HSDL2: variants seen among roughly 807,000 people sequenced by gnomAD.
HSDL2 encodes hydroxysteroid dehydrogenase-like protein 2.
HSDL2 carries 27 observed loss-of-function variants against 46.3 expected under a neutral mutation model. The observed-to-expected ratio is 0.58, with a 90% CI of 0.43 to 0.80. The LOEUF (loss-of-function observed/expected upper bound fraction) is 0.80, where lower values mean the gene tolerates loss of function less well. Among genes scored for constraint, HSDL2 ranks in the 30% least tolerant of loss-of-function variants. The probability of loss-of-function intolerance (pLI) is 0.00; values close to 1 mark genes in which losing one functional copy is unlikely to be tolerated. For synonymous variants in HSDL2, 153 were observed against 163.6 expected (o/e 0.94, Z 0.50); for missense variants, 451 against 502.7 (o/e 0.90, Z 0.98).
chr9:112,435,708 A>T (rs201479468), intron 6 of HSDL2, among the ~76,000 whole-genome samples: 1 of 115,078 alleles, frequency 8.7e-6, no homozygotes, highest in Admixed American at 8.1e-5. Flanking sequence ...GCTATTTTTT[A>T]TTTTATTTTA....
intron 1 of HSDL2, among the ~76,000 whole-genome samples, chr9:112,381,244 T>TA (rs1831087679): frequency 6.6e-6 from 1 of 152,220 alleles, no homozygotes; most frequent in African/African-American, 2.4e-5. Flanking sequence ...GACTGGCCTG[T>TA]AGCCTTGAAC....
At chr9:112,418,721 A>G in intron 5 of HSDL2, 139 bp from the exon 6 acceptor site, 1 of 424,132 alleles carries the variant, frequency 2.4e-6, no homozygotes, top group Non-Finnish European at 4.3e-6. Flanking sequence ...ACAGATATAT[A>G]CACATACATA....
At chr9:112,461,953 T>A (rs542205392) in intron 10 of HSDL2, among the ~76,000 whole-genome samples, 97 of 152,308 alleles carry the variant, frequency 6.4e-4, no homozygotes, top group African/African-American at 2.2e-3. Context: ...ATGAATTATT[T>A]AAAAAAACAA....
At chr9:112,412,002 G>C (rs185514661) in intron 4 of HSDL2, among the ~76,000 whole-genome samples, 12 of 152,320 alleles carry the variant, frequency 7.9e-5, no homozygotes, top group Non-Finnish European at 1.6e-4. Context: ...TATTATAGAT[G>C]ATGAAGCCAC....
chr9:112,409,778 A>G (rs901674468), intron 4 of HSDL2, among the ~76,000 whole-genome samples: 7 of 152,074 alleles, frequency 4.6e-5, no homozygotes, highest in Non-Finnish European at 1.0e-4. Flanking sequence ...CCTTGAGCCC[A>G]GGAGTTTGAG....
chr9:112,405,347 G>T (rs1831701766), intron 2 of HSDL2, among the ~76,000 whole-genome samples: 1 of 152,084 alleles, frequency 6.6e-6, no homozygotes, highest in Non-Finnish European at 1.5e-5. Flanking sequence ...GTGAGACCCT[G>T]TCTGAAAAAC....
intron 10 of HSDL2, among the ~76,000 whole-genome samples, chr9:112,461,772 T>C (rs1215397232): frequency 1.3e-5 from 2 of 152,192 alleles, no homozygotes; most frequent in Admixed American, 6.5e-5. Flanking sequence ...ACTCCAAAGC[T>C]TATGCTCTTC....
chr9:112,454,332 T>A (rs1049142392), intron 9 of HSDL2, among the ~76,000 whole-genome samples, 170 bp downstream of exon 9: 35 of 152,084 alleles, frequency 2.3e-4, no homozygotes, highest in Non-Finnish European at 8.8e-5. Context: ...GATTTGTTTT[T>A]GTTGTTGTTG....
At chr9:112,469,364 T>C (rs1833495423) in intron 10 of HSDL2, among the ~76,000 whole-genome samples, 1 of 152,012 alleles carries the variant, frequency 6.6e-6, no homozygotes, top group East Asian at 1.9e-4. Flanking sequence ...AGAAGATATG[T>C]CATCTATATC....
At chr9:112,413,613 C>G (rs1261416135) in intron 4 of HSDL2, among the ~76,000 whole-genome samples, 1 of 152,060 alleles carries the variant, frequency 6.6e-6, no homozygotes, top group Non-Finnish European at 1.5e-5. Flanking sequence ...TATATACTCT[C>G]CAGTATTACA....
rs552988103 is a variant in HSDL2 at position 112,472,345 on chromosome 9, A to C, written c.*1801A>C. On this transcript the variant is annotated 3_prime_UTR_variant, in exon 11 of 11. Transcript: ENST00000398805. ...TCATACCTGGCGGGGCTTCTGTTTT[A>C]TTTTGTAGGCTGGATGCTACCCAGT... The C allele has an allele frequency of 1.3e-5, 2 of 152,310 alleles. No individual in the cohort carries two copies. The highest frequency in any genetic ancestry group is 4.8e-5 in the African/African-American group (2 of 41,560). The allele number at this position is 152,310 out of a possible 1,614,324, so 9.4% of individuals were successfully genotyped here.
chr9:112,397,981 G>C (rs1279127809), intron 1 of HSDL2, among the ~76,000 whole-genome samples: 2 of 152,050 alleles, frequency 1.3e-5, no homozygotes, highest in Non-Finnish European at 2.9e-5. Context: ...TCTTTTTTCT[G>C]GCGTAATAAG....
At chr9:112,406,977 A>G (rs1213339778) in intron 3 of HSDL2, among the ~76,000 whole-genome samples, 2 of 149,434 alleles carry the variant, frequency 1.3e-5, no homozygotes, top group East Asian at 2.3e-4. Flanking sequence ...CTGGAGGACC[A>G]TATGTACATG....
intron 4 of HSDL2, 62 bp downstream of exon 4, chr9:112,409,083 G>T (rs1429497844): frequency 2.2e-6 from 2 of 914,988 alleles, no homozygotes; most frequent in East Asian, 4.9e-5. Flanking sequence ...AACTTACATA[G>T]TTGTAAACAG....
chr9:112,438,408 G>A (rs934449170), intron 6 of HSDL2, 23 bp from the exon 7 acceptor site: 3 of 1,315,350 alleles, frequency 2.3e-6, no homozygotes, highest in South Asian at 3.3e-5. Flanking sequence ...ATGAGTGTAT[G>A]TGTGTGTGTG....
chr9:112,415,478 G>T (rs544494236), intron 4 of HSDL2, among the ~76,000 whole-genome samples: 1 of 152,242 alleles, frequency 6.6e-6, no homozygotes, highest in African/African-American at 2.4e-5. Flanking sequence ...AATTTTCCCA[G>T]GGTCACACAA....
chr9:112,433,330 TG>T (rs749847512), intron 6 of HSDL2, among the ~76,000 whole-genome samples: 9 of 152,128 alleles, frequency 5.9e-5, no homozygotes, highest in Non-Finnish European at 1.0e-4. Flanking sequence ...CCACTGAACT[TG>T]AGCAACTCAA....
intron 4 of HSDL2, among the ~76,000 whole-genome samples, chr9:112,415,610 A>G (rs1831972828): frequency 6.6e-6 from 1 of 152,188 alleles, no homozygotes; most frequent in Non-Finnish European, 1.5e-5. Context: ...TGTGTTAGGG[A>G]GGCAGAATTT....
At position 112,400,262 on chromosome 9, in the gene HSDL2, G is replaced by A. The variant is rs10981391; in HGVS notation, c.18-3733G>A. On this transcript the variant is annotated intron_variant, in intron 1 of 10. Coordinates refer to ENST00000398805, the MANE Select transcript of HSDL2 (RefSeq NM_032303.5). ...GTCAGAAATTACCAAGTGTTGGGGA[G>A]GTGGTGGAGCTACGGGAACTCTTAT... Among the ~76,000 whole-genome samples the A allele has an allele frequency of 8.4e-3, 1,277 of 152,282 alleles. 20 individuals are homozygous for A. The highest frequency in any genetic ancestry group is 0.013 in the Non-Finnish European group (896 of 68,020).
Sources: allele counts gnomAD v4.1 joint callset (sites outside exome capture counted in the v4.1 genomes callset), GRCh38; gene constraint gnomAD v4.1.1; transcripts MANE v1.5; gene names NCBI Gene and HGNC (gene_info 2026-07-23, HGNC 2026-07-21).